FLNB: variants seen among roughly 807,000 people sequenced by gnomAD.
FLNB encodes filamin-B.
In FLNB, 111 loss-of-function variants were observed where a neutral mutation model predicts 250.6. The observed-to-expected ratio is 0.44, with a 90% confidence interval of 0.38 to 0.52. The LOEUF is 0.52. FLNB is among the 20% of genes least tolerant of loss of function. The pLI is 0.00. For missense variants in FLNB, 2,869 were observed against 3,447.8 expected (o/e 0.83, Z 4.20); for synonymous variants, 1,302 against 1,372.1 (o/e 0.95, Z 1.13).
intron 29 of FLNB, among the ~76,000 whole-genome samples, chr3:58,138,854 A>G (rs1283347868): frequency 6.7e-6 from 1 of 149,182 alleles, no homozygotes; most frequent in Admixed American, 6.6e-5. Flanking sequence ...TCTACATAAA[A>G]CATGACAGGT....
intron 1 of FLNB, among the ~76,000 whole-genome samples, chr3:58,070,660 C>CTT (rs1202591087): frequency 2.2e-4 from 20 of 89,682 alleles, no homozygotes; most frequent in East Asian, 8.7e-4. Flanking sequence ...CTCTCTCTCT[C>CTT]TTTTTTTTTT....
At chr3:58,163,416 CT>C in intron 43 of FLNB, 86 bp downstream of exon 43, 1 of 1,400,624 alleles carries the variant, frequency 7.1e-7, no homozygotes. Flanking sequence ...CCCATGAAAG[CT>C]TTTTACACGT....
rs770734532 is a variant in FLNB, at chr3:58,163,198, A to G, written c.7066A>G (p.Thr2356Ala). The G allele has an allele frequency of 8.1e-6, 13 of 1,614,072 alleles. No homozygotes were observed. Among genetic ancestry groups the G allele is most frequent in the Non-Finnish European group, 1.1e-5 (13 of 1,180,022 alleles). Residue 2356 changes from threonine (T) to alanine (A), a missense_variant, in exon 43 of 46, where the codon ACC becomes GCC. By Grantham distance (58) the Thr-to-Ala change is moderately conservative (BLOSUM62 0). This residue lies in a region of FLNB where 1,084 missense variants were observed against 1,315.5 expected (regional missense o/e 0.82). Transcript: ENST00000295956. ...RFIPHENGVH[T>A]IDVKFNGSHV... Reference sequence around the variant, plus strand: ...CATCCCTCATGAGAATGGTGTCCACACCATCGATGTCAAGTTCAATGGGAG... The same window carrying G: ...CATCCCTCATGAGAATGGTGTCCACGCCATCGATGTCAAGTTCAATGGGAG...
Position 58,150,160 on chromosome 3 carries a change from C to T in FLNB, c.6300C>T (p.Thr2100=), listed in dbSNP as rs979050970. The T allele has an allele frequency of 6.2e-7, 1 of 1,614,234 alleles. No individual in the cohort carries two copies. Among genetic ancestry groups the T allele is most frequent in the Non-Finnish European group, 8.5e-7 (1 of 1,180,036 alleles). ...AGGGAAGAGTCAAAGAGAGCATCAC[C>T]CGCACCAGTCGGGCCCCGTCCGTGG... is the stretch of plus-strand genomic sequence containing the variant. ...SGEGRVKESI[T]RTSRAPSVAT... The change falls in exon 38 of 46, where the codon ACC becomes ACT. Residue 2100 remains threonine (T), a synonymous_variant. Coordinates refer to ENST00000295956, the MANE Select transcript of FLNB (RefSeq NM_001457.4).
chr3:58,087,459 C>CT (rs1277901007), intron 4 of FLNB, among the ~76,000 whole-genome samples: 120 of 145,566 alleles, frequency 8.2e-4, no homozygotes, highest in African/African-American at 1.5e-3. Context: ...GTTTGTAATT[C>CT]TTTTTTTTTT....
chr3:58,011,882 T>C (rs1291753656), intron 1 of FLNB, among the ~76,000 whole-genome samples: 1 of 152,216 alleles, frequency 6.6e-6, no homozygotes, highest in African/African-American at 2.4e-5. Context: ...TGGCGCCTGT[T>C]AATTAAATAA....
rs1483300694 is a variant in FLNB at position 58,081,265 on chromosome 3, C to G, written c.640-364C>G. Among the ~76,000 whole-genome samples the G allele has an allele frequency of 3.9e-5, 6 of 152,240 alleles. No homozygotes were observed. The East Asian group carries it at 1.2e-3, about 29-fold the overall frequency. On this transcript the variant is annotated intron_variant, in intron 3 of 45. Coordinates refer to ENST00000295956, the MANE Select transcript of FLNB (RefSeq NM_001457.4). ...CCTGTGCACTTTTTTGTAACATGCT[C>G]TAATCCCATGTGTGCTTGTTTCTTC...
chr3:58,108,447 C>T lies in FLNB; in HGVS notation c.1942-11C>T, dbSNP rs2097263309. On this transcript the variant is annotated splice_polypyrimidine_tract_variant and intron_variant, in intron 12 of 45. Coordinates refer to ENST00000295956, the MANE Select transcript of FLNB (RefSeq NM_001457.4). ...ACACAGAAAGAGACTTACTATCTGC[C>T]TTTGCTTCAGGTTCGAGCATACGGG... 6.3e-7 allele frequency: 1 copy of T among 1,583,792 alleles called. No individual in the cohort carries two copies. The highest frequency in any genetic ancestry group is 1.3e-5 in the African/African-American group (1 of 74,482).
At chr3:58,052,227 GGATT>G (rs1366231387) in intron 1 of FLNB, among the ~76,000 whole-genome samples, 2 of 152,118 alleles carry the variant, frequency 1.3e-5, no homozygotes, top group African/African-American at 4.8e-5. Flanking sequence ...AATACAATTC[GGATT>G]GATTGTAGTG....
Position 58,143,738 on chromosome 3 carries a change from T to C in FLNB, c.5425+125T>C, listed in dbSNP as rs970161049. On this transcript the variant is annotated intron_variant, in intron 32 of 45. Coordinates refer to ENST00000295956, the MANE Select transcript of FLNB (RefSeq NM_001457.4). ...AGCAGGCTGGAGAATGCAGCGTTGG[T>C]ACCCCTGTGAAACCAAACAGTCTGG... The C allele has an allele frequency of 1.9e-5, 22 of 1,187,700 alleles. 1 individual carries two copies. In the South Asian group the frequency reaches 2.6e-4, roughly 14 times the overall value. The allele number at this position is 1,187,700 out of a possible 1,614,324, so 73.6% of individuals were successfully genotyped here.
intron 1 of FLNB, among the ~76,000 whole-genome samples, chr3:58,042,730 G>A (rs867644224): frequency 3.9e-5 from 6 of 152,190 alleles, no homozygotes; most frequent in Middle Eastern, 3.4e-3. Flanking sequence ...TGTTGCCCAG[G>A]CTGGTCTCGA....
At position 58,146,971 on chromosome 3, in the gene FLNB, C is replaced by T. The variant is rs2107265344; in HGVS notation, c.5706C>T (p.Ser1902=). 2 of 1,614,094 alleles carry T rather than the reference C, an allele frequency of 1.2e-6. No homozygotes were observed. Among genetic ancestry groups the T allele is most frequent in the East Asian group, 4.5e-5 (2 of 44,884 alleles). The change falls in exon 34 of 46, where the codon AGC becomes AGT. Residue 1902 remains serine (S), a synonymous_variant. Coordinates refer to ENST00000295956, the MANE Select transcript of FLNB (RefSeq NM_001457.4). ...ACAATGACAAGCACATCCCTGGCAG[C>T]CCCTTCACAGCCAAGATCACAGGTA... The part of the protein sequence containing the change: ...VKYNDKHIPG[S]PFTAKITDDS...
At position 58,138,403 on chromosome 3, in the gene FLNB, G is replaced by T; in HGVS notation, c.4983G>T (p.Glu1661Asp). The T allele has an allele frequency of 6.2e-7, 1 of 1,614,212 alleles. No homozygotes were observed. Among genetic ancestry groups the T allele is most frequent in the Non-Finnish European group, 8.5e-7 (1 of 1,180,036 alleles). The stretch of plus-strand genomic sequence containing the variant: ...TGACCCCAGATGGCACTGAGGCCGA[G>T]GCCGATGTCATTGAGAATGAAGATG... ...TVLTPDGTEA[E>D]ADVIENEDGT... Residue 1661 changes from glutamate (E) to aspartate (D), a missense_variant, in exon 29 of 46, where the codon GAG (glutamate) becomes GAT (aspartate). Glu to Asp is a conservative substitution (Grantham distance 45). Around this residue, in one of 5 missense-constraint regions of FLNB, gnomAD observed 1,084 missense variants for 1,315.5 expected, o/e 0.82. Transcript: ENST00000295956.
chr3:58,046,380 T>C (rs1267272728), intron 1 of FLNB, among the ~76,000 whole-genome samples: 3 of 152,106 alleles, frequency 2.0e-5, no homozygotes, highest in Non-Finnish European at 4.4e-5. Context: ...CACCATAAAA[T>C]TCACCCTTTT....
intron 42 of FLNB, among the ~76,000 whole-genome samples, chr3:58,160,518 A>G (rs1378051955): frequency 6.6e-6 from 1 of 152,234 alleles, no homozygotes; most frequent in Non-Finnish European, 1.5e-5. Flanking sequence ...AGAACTGTGA[A>G]GCAAATGGTA....
chr3:58,121,936 G>A (rs773681270), intron 20 of FLNB, among the ~76,000 whole-genome samples: 16 of 151,258 alleles, frequency 1.1e-4, no homozygotes, highest in Admixed American at 2.0e-4. Flanking sequence ...TTGGGAGGCC[G>A]AGGCGGGCGG....
At chr3:58,045,411 C>T (rs2097152287) in intron 1 of FLNB, among the ~76,000 whole-genome samples, 1 of 152,180 alleles carries the variant, frequency 6.6e-6, no homozygotes, top group Non-Finnish European at 1.5e-5. Context: ...CAGGACAGCT[C>T]TGAATGCGCC....
intron 1 of FLNB, among the ~76,000 whole-genome samples, chr3:58,059,903 T>G (rs2097175593): frequency 6.6e-6 from 1 of 152,140 alleles, no homozygotes; most frequent in African/African-American, 2.4e-5. Context: ...GTCTCCAGGG[T>G]GAAATAGCCA....
At chr3:58,034,103 C>T (rs895186975) in intron 1 of FLNB, among the ~76,000 whole-genome samples, 3 of 152,190 alleles carry the variant, frequency 2.0e-5, no homozygotes, top group South Asian at 2.1e-4. Flanking sequence ...TTAGGCGATC[C>T]GCTCACCTCT....
Sources: allele counts gnomAD v4.1 joint callset (sites outside exome capture counted in the v4.1 genomes callset), GRCh38; gene constraint gnomAD v4.1.1; regional missense constraint gnomAD v4.1.1; transcripts MANE v1.5; gene names NCBI Gene and HGNC (gene_info 2026-07-23, HGNC 2026-07-21).